The following SPARCL1 variants were observed in gnomAD, a reference collection of about 807,000 sequenced individuals.
SPARCL1 encodes SPARC-like protein 1.
In SPARCL1, 52 loss-of-function variants were observed where a neutral mutation model predicts 67.1. The ratio of observed to expected loss-of-function variants is 0.78; its 90% confidence interval spans 0.62 to 0.98. SPARCL1 has a LOEUF of 0.98. SPARCL1 is among the 50% of genes least tolerant of loss of function. The probability of loss-of-function intolerance (pLI) is 0.00; values close to 1 mark genes in which losing one functional copy is unlikely to be tolerated. For synonymous variants in SPARCL1, 226 were observed against 267.8 expected (o/e 0.84, Z 1.52); for missense variants, 717 against 782.4 (o/e 0.92, Z 1.00).
chr4:87,480,279 G>T, intron 9 of SPARCL1, 93 bp downstream of exon 9: 1 of 1,167,228 alleles, frequency 8.6e-7, no homozygotes, highest in Non-Finnish European at 1.2e-6. Flanking sequence ...ACTGGGAAAT[G>T]TCCTAAATCT....
At chr4:87,487,448 C>A (rs188154490) in intron 7 of SPARCL1, among the ~76,000 whole-genome samples, 237 of 152,292 alleles carry the variant, frequency 1.6e-3, no homozygotes, top group African/African-American at 5.3e-3. Flanking sequence ...TGTAGGGTTT[C>A]TGCAGAGAGT....
chr4:87,517,837 A>G (rs1725649069), intron 1 of SPARCL1, among the ~76,000 whole-genome samples: 1 of 152,228 alleles, frequency 6.6e-6, no homozygotes, highest in African/African-American at 2.4e-5. Context: ...TAAGAAAAAC[A>G]ACAAATAATA....
intron 1 of SPARCL1, among the ~76,000 whole-genome samples, chr4:87,523,693 G>A (rs1725917452): frequency 6.6e-6 from 1 of 152,114 alleles, no homozygotes; most frequent in Non-Finnish European, 1.5e-5. Flanking sequence ...CATGAAATGT[G>A]AGAAAGGAAA....
At chr4:87,494,623 T>G in intron 3 of SPARCL1, 25 bp from the exon 4 acceptor site, 1 of 1,528,216 alleles carries the variant, frequency 6.5e-7, no homozygotes, top group Non-Finnish European at 8.8e-7. Flanking sequence ...AAGTTCATTC[T>G]TCAAACAAAT....
At chr4:87,490,653 T>C (rs1028073817) in intron 6 of SPARCL1, 107 bp downstream of exon 6, 5 of 798,104 alleles carry the variant, frequency 6.3e-6, no homozygotes, top group Admixed American at 2.5e-5. Flanking sequence ...AACCAAATGA[T>C]AACCTAGGTA....
intron 1 of SPARCL1, among the ~76,000 whole-genome samples, chr4:87,513,297 T>G (rs1725450986): frequency 6.6e-6 from 1 of 152,206 alleles, no homozygotes; most frequent in African/African-American, 2.4e-5. Context: ...TCTAAATTAT[T>G]TGGCCAAATG....
At chr4:87,477,722 C>T (rs75969441) in intron 10 of SPARCL1, among the ~76,000 whole-genome samples, 2,543 of 152,164 alleles carry the variant, frequency 0.017, 67 homozygotes, top group African/African-American at 0.057. Context: ...AGATAACTGC[C>T]GCACTGCATG....
chr4:87,511,061 C>A (rs1056101302), intron 1 of SPARCL1, among the ~76,000 whole-genome samples: 1 of 152,198 alleles, frequency 6.6e-6, no homozygotes, highest in Admixed American at 6.5e-5. Flanking sequence ...ACAAGGCACC[C>A]CTGCCGCGAG....
At chr4:87,511,968 T>TCTC (rs138431936) in intron 1 of SPARCL1, among the ~76,000 whole-genome samples, 1 of 36,194 alleles carries the variant, frequency 2.8e-5, no homozygotes, top group Admixed American at 2.9e-4. Context: ...TTTCTTTCTC[T>TCTC]TTTTTTTTTT....
chr4:87,499,399 A>G (rs1273629386), intron 2 of SPARCL1, 122 bp downstream of exon 2: 1 of 878,080 alleles, frequency 1.1e-6, no homozygotes, highest in Admixed American at 2.7e-5. Context: ...GGCAATAAAG[A>G]ATATAATTAA....
intron 10 of SPARCL1, 28 bp downstream of exon 10, chr4:87,479,402 C>T (rs1387516888): frequency 6.2e-7 from 1 of 1,603,372 alleles, no homozygotes; most frequent in African/African-American, 1.3e-5. Flanking sequence ...AGAAGACATC[C>T]CTCTTCTTTG....
Position 87,493,973 on chromosome 4 carries a change from A to G in SPARCL1, c.827T>C (p.Met276Thr), listed in dbSNP as rs768826415. The change falls in exon 4 of 11, where the codon ATG becomes ACG. Residue 276 changes from methionine (M) to threonine (T), a missense_variant. Physicochemically the swap from Met to Thr is moderately conservative, Grantham distance 81. Transcript: ENST00000282470. ...QEQEDNSNAE[M>T]EEENASNVNK... is the part of the protein sequence containing the mutation. ...GACGTTCGATGCATTTTCCTCTTCC[A>G]TTTCTGCATTGGAGTTATCTTCTTG... 2.5e-6 allele frequency: 4 copies of G among 1,613,734 alleles called. No homozygotes were observed. The South Asian group carries it at 3.3e-5, about 13-fold the overall frequency.
At chr4:87,501,986 G>T (rs4693820) in intron 1 of SPARCL1, among the ~76,000 whole-genome samples, 1 of 148,238 alleles carries the variant, frequency 6.7e-6, no homozygotes. Flanking sequence ...TTTTTTTCCT[G>T]GAGATAGGGT....
chr4:87,475,587 G>T (rs1723553429), intron 10 of SPARCL1, among the ~76,000 whole-genome samples: 1 of 152,088 alleles, frequency 6.6e-6, no homozygotes, highest in African/African-American at 2.4e-5. Context: ...ATGCATTTCA[G>T]TTCCAAAACC....
intron 10 of SPARCL1, among the ~76,000 whole-genome samples, chr4:87,477,154 A>G (rs1322790542): frequency 9.2e-5 from 14 of 152,236 alleles, no homozygotes; most frequent in Admixed American, 9.2e-4. Context: ...GTGAGCTTAC[A>G]CACTGAAGAG....
chr4:87,522,685 A>ACACG (rs1553899664), intron 1 of SPARCL1, among the ~76,000 whole-genome samples: 5 of 141,774 alleles, frequency 3.5e-5, no homozygotes, highest in African/African-American at 1.4e-4. Context: ...ACACACACGC[A>ACACG]CACACACAGA....
At chr4:87,474,535 C>A (rs1479308426) in intron 10 of SPARCL1, among the ~76,000 whole-genome samples, 1 of 152,082 alleles carries the variant, frequency 6.6e-6, no homozygotes, top group East Asian at 1.9e-4. Flanking sequence ...TTTTTCTTGA[C>A]GTTAAGGCTA....
At position 87,490,876 on chromosome 4, in the gene SPARCL1, A is replaced by T; in HGVS notation, c.1294T>A (p.Ser432Thr). The T allele has an allele frequency of 6.4e-7, 1 of 1,561,270 alleles. No homozygotes were observed. The stretch of plus-strand genomic sequence containing the variant: ...CTTTTACACTGGAAGCTCATGCAAG[A>T]ATCTAACAGAAAAGATTGGGCAGGA... ...EGNMRVHAVD[S>T]CMSFQCKRGH... Residue 432 changes from serine to threonine, a missense_variant and splice_region_variant, in exon 6 of 11, where the codon TCT becomes ACT. Ser to Thr is a moderately conservative substitution (Grantham distance 58, BLOSUM62 1). Coordinates refer to ENST00000282470, the MANE Select transcript of SPARCL1 (RefSeq NM_004684.6).
chr4:87,527,735 C>A (rs1435911427), intron 1 of SPARCL1, among the ~76,000 whole-genome samples: 1 of 152,098 alleles, frequency 6.6e-6, no homozygotes, highest in Non-Finnish European at 1.5e-5. Context: ...TGTGAATATT[C>A]TTCTCCAAAA....
Sources: gnomAD v4.1 joint callset for allele counts (sites outside exome capture counted in the v4.1 genomes callset) on GRCh38, gnomAD v4.1.1 for gene constraint, MANE v1.5 for transcripts, NCBI Gene and HGNC (gene_info 2026-07-23, HGNC 2026-07-21) for gene names.